SIL1: variants seen among roughly 807,000 people sequenced by gnomAD.
The protein encoded by SIL1 is nucleotide exchange factor SIL1.
SIL1 carries 40 observed loss-of-function variants against 49.1 expected under a neutral mutation model. The observed-to-expected ratio is 0.81, with a 90% confidence interval of 0.63 to 1.06. The LOEUF is 1.06. Among genes scored for constraint, SIL1 ranks in the 50% least tolerant of loss-of-function variants. SIL1 has a pLI of 0.00. For synonymous variants in SIL1, 253 were observed against 250.8 expected, an observed-to-expected ratio of 1.01 and a Z score of -0.08; for missense variants, 500 against 572.6, an observed-to-expected ratio of 0.87 and a Z score of 1.29.
chr5:139,047,867 G>A (rs1414993098), intron 4 of SIL1, among the ~76,000 whole-genome samples: 1 of 152,228 alleles, frequency 6.6e-6, no homozygotes, highest in Non-Finnish European at 1.5e-5. Flanking sequence ...TATGCTAGGG[G>A]CCATTTCAGG....
chr5:139,057,839 G>A (rs1404032509), intron 3 of SIL1, among the ~76,000 whole-genome samples: 1 of 152,190 alleles, frequency 6.6e-6, no homozygotes, highest in Non-Finnish European at 1.5e-5. Context: ...TCAGTGTCTG[G>A]TGAGAGCCTG....
chr5:139,057,319 A>AG (rs1769473374), intron 3 of SIL1, among the ~76,000 whole-genome samples: 1 of 146,546 alleles, frequency 6.8e-6, no homozygotes, highest in Non-Finnish European at 1.5e-5. Flanking sequence ...ATCAATAAAA[A>AG]AAAAAAAAAG....
chr5:139,186,196 A>G (rs966320277), intron 1 of SIL1, among the ~76,000 whole-genome samples: 2 of 152,214 alleles, frequency 1.3e-5, no homozygotes, highest in African/African-American at 4.8e-5. Context: ...GTTGCTTTTC[A>G]TAGCCCAGTG....
At chr5:139,138,144 T>TACAC (rs4031712) in intron 1 of SIL1, among the ~76,000 whole-genome samples, 4 of 149,902 alleles carry the variant, frequency 2.7e-5, no homozygotes, top group Non-Finnish European at 4.5e-5. Flanking sequence ...CACACACATA[T>TACAC]ACACACACAC....
chr5:139,143,324 C>CATATATATAT (rs1561878684), intron 1 of SIL1, among the ~76,000 whole-genome samples: 2 of 121,326 alleles, frequency 1.6e-5, no homozygotes, highest in African/African-American at 7.6e-5. Flanking sequence ...CACACACACA[C>CATATATATAT]ACACACACAC....
At chr5:139,170,929 C>T (rs534426699) in intron 1 of SIL1, among the ~76,000 whole-genome samples, 6 of 144,994 alleles carry the variant, frequency 4.1e-5, no homozygotes, top group South Asian at 2.2e-4. Flanking sequence ...CCCAGCCAGC[C>T]GCCCCGTCCG....
chr5:139,170,913 C>T (rs1173563610), intron 1 of SIL1, among the ~76,000 whole-genome samples: 1 of 149,396 alleles, frequency 6.7e-6, no homozygotes, highest in Admixed American at 6.6e-5. Flanking sequence ...GTGAGGAGCC[C>T]CTCTGCCCAG....
chr5:139,108,698 G>A (rs1478648971), intron 3 of SIL1, among the ~76,000 whole-genome samples: 1 of 152,160 alleles, frequency 6.6e-6, no homozygotes, highest in Non-Finnish European at 1.5e-5. Flanking sequence ...CGAAATACGT[G>A]GCTGGAAGAA....
At chr5:139,193,243 T>A (rs1046986973) in intron 1 of SIL1, among the ~76,000 whole-genome samples, 1 of 152,110 alleles carries the variant, frequency 6.6e-6, no homozygotes, top group African/African-American at 2.4e-5. Flanking sequence ...CAAAAACAGA[T>A]ACACAGTACA....
chr5:139,045,005 C>T (rs1581055146), intron 4 of SIL1, among the ~76,000 whole-genome samples: 1 of 152,294 alleles, frequency 6.6e-6, no homozygotes, highest in East Asian at 1.9e-4. Flanking sequence ...GACCCTTCTT[C>T]ACTCACTTCA....
chr5:139,083,110 A>G (rs1770126216), intron 3 of SIL1, among the ~76,000 whole-genome samples: 1 of 152,180 alleles, frequency 6.6e-6, no homozygotes, highest in South Asian at 2.1e-4. Flanking sequence ...AAATTACTGT[A>G]ACCTGAGGCT....
intron 1 of SIL1, among the ~76,000 whole-genome samples, chr5:139,175,688 C>T (rs1028263086): frequency 6.6e-6 from 1 of 152,220 alleles, no homozygotes; most frequent in Non-Finnish European, 1.5e-5. Context: ...ACTGGCCAGG[C>T]GCGGTGGCTC....
rs538798320 is a variant in SIL1, at chr5:139,105,913, G to A, written c.244+15122C>T. On this transcript the variant is annotated intron_variant, in intron 3 of 9. Transcript: ENST00000394817. ...TCTCTCTGTGCAGGGAAAAGGAGCCGCAAACATAAAGTTGCTCAGTCAAAA... is the reference window on the plus strand; with the variant it reads ...TCTCTCTGTGCAGGGAAAAGGAGCCACAAACATAAAGTTGCTCAGTCAAAA... 4.6e-5 allele frequency among the ~76,000 whole-genome samples: 7 copies of A among 152,336 alleles called. No individual in the cohort carries two copies. In the East Asian group the frequency reaches 1.2e-3, roughly 25 times the overall value.
chr5:139,023,086 A>G (rs1392477288), intron 6 of SIL1, among the ~76,000 whole-genome samples: 2 of 152,366 alleles, frequency 1.3e-5, no homozygotes, highest in East Asian at 3.9e-4. Flanking sequence ...ATCTACTATT[A>G]CTACAATGAT....
intron 3 of SIL1, among the ~76,000 whole-genome samples, chr5:139,071,475 T>C (rs1439587755): frequency 6.6e-6 from 1 of 152,154 alleles, no homozygotes; most frequent in Non-Finnish European, 1.5e-5. Context: ...CACCTGGTAA[T>C]AACTCATTAA....
chr5:139,089,595 C>T (rs1770297435), intron 3 of SIL1, among the ~76,000 whole-genome samples: 1 of 152,162 alleles, frequency 6.6e-6, no homozygotes, highest in African/African-American at 2.4e-5. Context: ...AATGGTATCT[C>T]CATACAATGA....
At chr5:139,102,872 G>A (rs1053637615) in intron 3 of SIL1, among the ~76,000 whole-genome samples, 1 of 151,796 alleles carries the variant, frequency 6.6e-6, no homozygotes, top group South Asian at 2.1e-4. Flanking sequence ...GCACCACCAC[G>A]CCTGGCTAAT....
At chr5:139,190,846 T>C (rs1268096582) in intron 1 of SIL1, among the ~76,000 whole-genome samples, 1 of 152,150 alleles carries the variant, frequency 6.6e-6, no homozygotes, top group African/African-American at 2.4e-5. Flanking sequence ...TTTTAGACTT[T>C]AGCAGCTGGG....
At chr5:139,047,454 G>T (rs1561841703) in intron 4 of SIL1, among the ~76,000 whole-genome samples, 1 of 152,224 alleles carries the variant, frequency 6.6e-6, no homozygotes, top group Admixed American at 6.5e-5. Context: ...AGTAAAAATA[G>T]TAGAAAGACT....
Sources: allele counts gnomAD v4.1 joint callset (sites outside exome capture counted in the v4.1 genomes callset), GRCh38; gene constraint gnomAD v4.1.1; transcripts MANE v1.5; gene names NCBI Gene and HGNC (gene_info 2026-07-23, HGNC 2026-07-21).